The following MAST4 variants were observed in gnomAD, a reference collection of about 807,000 sequenced individuals.
MAST4 encodes the protein microtubule-associated serine/threonine-protein kinase 4.
In MAST4, 89 loss-of-function variants were observed where a neutral mutation model predicts 162.7. That is an observed-to-expected ratio of 0.55 (90% CI 0.46 to 0.65). The LOEUF (loss-of-function observed/expected upper bound fraction) is 0.65. Ranked by LOEUF, MAST4 falls within the 30% of genes least tolerant of loss-of-function variation. The pLI is 0.00. For missense variants in MAST4, 3,153 were observed against 3,374.0 expected (o/e 0.93, Z 1.62); for synonymous variants, 1,479 against 1,361.1 (o/e 1.09, Z -1.91).
rs750951069 is a variant in MAST4 at position 67,078,911 on chromosome 5, A to AAT, written c.764-11212_764-11211dup. Among the ~76,000 whole-genome samples the AAT allele has an allele frequency of 9.8e-3, 371 of 38,010 alleles. 9 individuals carry two copies. The highest frequency in any genetic ancestry group is 0.039 in the African/African-American group (310 of 8,000). The allele number at this position is 38,010 out of a possible 152,430, so 24.9% of individuals were successfully genotyped here. ...TTATATATTTATATATTTTTATATA[A>AAT]ATATATATATATATATATATATATA... On this transcript the variant is annotated intron_variant, in intron 5 of 28. Coordinates refer to ENST00000403625, the MANE Select transcript of MAST4 (RefSeq NM_001164664.2).
Position 67,169,104 on chromosome 5 carries a change from A to G in MAST4, c.*2053A>G, listed in dbSNP as rs190426792. On this transcript the variant is annotated 3_prime_UTR_variant, in exon 29 of 29. Coordinates refer to ENST00000403625, the MANE Select transcript of MAST4 (RefSeq NM_001164664.2). ...TTGGCAGTTGTCATAACCCAATCCT[A>G]CATTCAGCCATCGGGACAAGTCTGT... 10 of 152,300 alleles carry G rather than the reference A, an allele frequency of 6.6e-5. No homozygotes were observed. In the East Asian group the frequency reaches 1.9e-3, roughly 29 times the overall value. The allele number at this position is 152,300 out of a possible 1,614,324, so 9.4% of individuals were successfully genotyped here. A position where few individuals can be genotyped will look rare whatever the true frequency, so the allele number is the denominator to read the frequency against.
In MAST4 at chr5:66,624,144, A is replaced by ATT. The variant is rs1561220546; in HGVS notation, c.363+27127_363+27128insTT. 1.3e-4 allele frequency among the ~76,000 whole-genome samples: 11 copies of ATT among 81,796 alleles called. 1 individual carries two copies. Among genetic ancestry groups the ATT allele is most frequent in the Admixed American group, 1.5e-4 (1 of 6,812 alleles). The allele number at this position is 81,796 out of a possible 152,430, so 53.7% of individuals were successfully genotyped here. A position where few individuals can be genotyped will look rare whatever the true frequency, so the allele number is the denominator to read the frequency against. The stretch of plus-strand genomic sequence containing the variant: ...GATTGGAAGAATTAATATTGTTAAA[A>ATT]TGTTTTTTTTTTTTTTTTTTTTTTT... On this transcript the variant is annotated intron_variant, in intron 1 of 28. Transcript: ENST00000403625.
At chr5:66,972,395 GAGA>G (rs1227398788) in intron 4 of MAST4, among the ~76,000 whole-genome samples, 3 of 152,120 alleles carry the variant, frequency 2.0e-5, no homozygotes, top group Non-Finnish European at 4.4e-5. Context: ...ACCCCACATT[GAGA>G]AGAACATTTA....
chr5:66,929,864 T>G (rs1051730268), intron 4 of MAST4, among the ~76,000 whole-genome samples: 1 of 152,168 alleles, frequency 6.6e-6, no homozygotes, highest in Non-Finnish European at 1.5e-5. Context: ...GTAGCTTGAG[T>G]CTGATGATTT....
intron 4 of MAST4, among the ~76,000 whole-genome samples, chr5:67,048,301 A>G (rs190598434): frequency 9.4e-4 from 143 of 152,292 alleles, no homozygotes; most frequent in African/African-American, 2.8e-3. Flanking sequence ...AATTAGACCC[A>G]TATTTACGTT....
intron 11 of MAST4, among the ~76,000 whole-genome samples, chr5:67,110,716 G>A (rs900171996): frequency 8.5e-5 from 13 of 152,350 alleles, no homozygotes; most frequent in African/African-American, 2.6e-4. Context: ...TAGATGATTA[G>A]TTCATGTTAA....
At chr5:67,035,172 A>G (rs1190003629) in intron 4 of MAST4, among the ~76,000 whole-genome samples, 4 of 152,166 alleles carry the variant, frequency 2.6e-5, no homozygotes, top group East Asian at 1.9e-4. Context: ...CACATCATCA[A>G]TAACTATTAG....
At chr5:66,674,078 A>C (rs1342884599) in intron 1 of MAST4, among the ~76,000 whole-genome samples, 1 of 152,246 alleles carries the variant, frequency 6.6e-6, no homozygotes, top group Non-Finnish European at 1.5e-5. Flanking sequence ...TGCGAAAGTT[A>C]AAACTTGACA....
At chr5:66,953,018 G>A (rs997175162) in intron 4 of MAST4, among the ~76,000 whole-genome samples, 1 of 152,178 alleles carries the variant, frequency 6.6e-6, no homozygotes, top group African/African-American at 2.4e-5. Context: ...TAGAACAGGG[G>A]CTGCTGAATA....
intron 1 of MAST4, among the ~76,000 whole-genome samples, chr5:66,701,405 C>T (rs979390892): frequency 6.6e-6 from 1 of 152,210 alleles, no homozygotes; most frequent in Admixed American, 6.5e-5. Context: ...CCCCGTGTCT[C>T]TCCTCACAGA....
chr5:66,931,123 TA>T (rs1193869720), intron 4 of MAST4, among the ~76,000 whole-genome samples: 3 of 152,166 alleles, frequency 2.0e-5, no homozygotes, highest in African/African-American at 7.2e-5. Context: ...TGTCTCATTT[TA>T]AAGTCACAAT....
chr5:66,763,135 G>A (rs958639953), intron 2 of MAST4, among the ~76,000 whole-genome samples: 10 of 152,162 alleles, frequency 6.6e-5, no homozygotes, highest in Admixed American at 1.3e-4. Flanking sequence ...AACAGAAGGC[G>A]AGGATTTGAA....
intron 2 of MAST4, among the ~76,000 whole-genome samples, chr5:66,774,995 C>CTGTGTGTGTG (rs33936607): frequency 4.0e-4 from 57 of 142,158 alleles, no homozygotes; most frequent in African/African-American, 1.4e-3. Context: ...TATCCTTTTC[C>CTGTGTGTGTG]TGTGTGTGTG....
intron 1 of MAST4, among the ~76,000 whole-genome samples, chr5:66,676,923 C>T (rs1747986049): frequency 6.6e-6 from 1 of 152,162 alleles, no homozygotes; most frequent in Non-Finnish European, 1.5e-5. Context: ...GAAAATCACA[C>T]ATTGATTCAT....
intron 1 of MAST4, among the ~76,000 whole-genome samples, chr5:66,716,148 G>A (rs1444306332): frequency 1.3e-5 from 2 of 152,020 alleles, no homozygotes; most frequent in East Asian, 1.9e-4. Context: ...GGGAAAAAAA[G>A]GAACTATAAA....
intron 3 of MAST4, among the ~76,000 whole-genome samples, chr5:66,825,513 A>G (rs1213158711): frequency 2.0e-5 from 3 of 152,206 alleles, no homozygotes; most frequent in South Asian, 4.1e-4. Flanking sequence ...TGTACCAAAC[A>G]TCACCATGGA....
chr5:66,652,625 T>G (rs1265184779), intron 1 of MAST4, among the ~76,000 whole-genome samples: 1 of 152,204 alleles, frequency 6.6e-6, no homozygotes, highest in Non-Finnish European at 1.5e-5. Context: ...CAATCTTTAA[T>G]GCAAGCTGAG....
At chr5:66,647,231 T>A (rs2149443123) in intron 1 of MAST4, among the ~76,000 whole-genome samples, 1 of 152,298 alleles carries the variant, frequency 6.6e-6, no homozygotes, top group South Asian at 2.1e-4. Context: ...GGACATTATT[T>A]AAATATTTTA....
chr5:66,844,620 G>A (rs929916027), intron 3 of MAST4, among the ~76,000 whole-genome samples: 7 of 152,074 alleles, frequency 4.6e-5, no homozygotes, highest in African/African-American at 1.7e-4. Flanking sequence ...GTTGTCTTCC[G>A]GGAGCTTATG....
Sources: gnomAD v4.1 joint callset for allele counts (sites outside exome capture counted in the v4.1 genomes callset) on GRCh38, gnomAD v4.1.1 for gene constraint, MANE v1.5 for transcripts, NCBI Gene and HGNC (gene_info 2026-07-23, HGNC 2026-07-21) for gene names.